CCDC149: variants seen among roughly 807,000 people sequenced by gnomAD.
CCDC149 encodes coiled-coil domain containing 149.
In CCDC149, 45 loss-of-function variants were observed where a neutral mutation model predicts 59.9. The observed-to-expected ratio is 0.75, with a 90% CI of 0.59 to 0.96. CCDC149 has a LOEUF of 0.96. Ranked by LOEUF, CCDC149 falls within the 40% of genes least tolerant of loss-of-function variation. The pLI is 0.00. For synonymous variants in CCDC149, 245 were observed against 260.6 expected (o/e 0.94, Z 0.58); for missense variants, 584 against 664.7 (o/e 0.88, Z 1.33).
At chr4:24,959,639 T>C (rs1275851869) in intron 1 of CCDC149, among the ~76,000 whole-genome samples, 3 of 151,788 alleles carry the variant, frequency 2.0e-5, no homozygotes, top group Non-Finnish European at 2.9e-5. Flanking sequence ...AAAGAGAAAA[T>C]CCTAAAAGCA....
chr4:24,831,437 A>C (rs1204565947), intron 9 of CCDC149, 69 bp downstream of exon 9: 1 of 1,542,358 alleles, frequency 6.5e-7, no homozygotes, highest in East Asian at 2.3e-5. Flanking sequence ...GCTGGTTGAC[A>C]TTCACTTCTG....
intron 3 of CCDC149, among the ~76,000 whole-genome samples, chr4:24,865,526 C>A (rs1718642989): frequency 6.6e-6 from 1 of 152,154 alleles, no homozygotes; most frequent in Non-Finnish European, 1.5e-5. Context: ...TTCTTAGTTA[C>A]AAAAAGAACA....
intron 9 of CCDC149, among the ~76,000 whole-genome samples, chr4:24,826,595 C>T (rs887901099): frequency 3.3e-5 from 5 of 152,106 alleles, no homozygotes; most frequent in South Asian, 2.1e-4. Flanking sequence ...CAGAAGGAAC[C>T]GTGGAAGAGG....
chr4:24,951,895 G>A (rs145773560), intron 1 of CCDC149, among the ~76,000 whole-genome samples: 13 of 152,260 alleles, frequency 8.5e-5, no homozygotes, highest in East Asian at 7.7e-4. Context: ...CTGAAACTCC[G>A]CAGAGGTAAG....
chr4:24,945,725 G>A (rs972277590), intron 1 of CCDC149, among the ~76,000 whole-genome samples: 5 of 151,574 alleles, frequency 3.3e-5, no homozygotes, highest in Admixed American at 1.3e-4. Context: ...AGGTTCAAGC[G>A]ATTCTCCTGC....
chr4:24,830,312 C>T (rs1716057975), intron 9 of CCDC149: 1 of 152,198 alleles, frequency 6.6e-6, no homozygotes, highest in Non-Finnish European at 1.5e-5. Context: ...ATTCCTTCTT[C>T]CTCCCCTGAG....
intron 12 of CCDC149, among the ~76,000 whole-genome samples, chr4:24,814,636 T>C (rs901838712): frequency 3.9e-5 from 6 of 152,316 alleles, no homozygotes; most frequent in Admixed American, 3.3e-4. Flanking sequence ...GTGATGTGGG[T>C]GCACACTTCA....
intron 3 of CCDC149, among the ~76,000 whole-genome samples, chr4:24,858,637 C>T (rs1211808100): frequency 6.6e-6 from 1 of 152,188 alleles, no homozygotes; most frequent in Non-Finnish European, 1.5e-5. Context: ...TTCTGAAACA[C>T]CTTCCTTTGT....
At chr4:24,884,561 A>G (rs1720043590) in intron 1 of CCDC149, among the ~76,000 whole-genome samples, 4 of 152,228 alleles carry the variant, frequency 2.6e-5, no homozygotes, top group Admixed American at 1.3e-4. Context: ...ACACTTTAAA[A>G]GAGACACAAA....
chr4:24,820,973 A>T, intron 11 of CCDC149, 82 bp downstream of exon 11: 1 of 747,820 alleles, frequency 1.3e-6, no homozygotes. Context: ...TAGATAATGC[A>T]TTTCTACTTA....
chr4:24,962,253 G>A (rs4535326), intron 1 of CCDC149, among the ~76,000 whole-genome samples: 114,179 of 151,376 alleles, frequency 0.75, 43,281 homozygotes, highest in African/African-American at 0.79. Flanking sequence ...AATCAAAACC[G>A]CAATGAGATA....
chr4:24,850,061 A>T (rs931337144), intron 4 of CCDC149, among the ~76,000 whole-genome samples: 4 of 152,084 alleles, frequency 2.6e-5, no homozygotes, highest in Non-Finnish European at 5.9e-5. Context: ...CAAATTTCTA[A>T]ACTACTTCTT....
intron 1 of CCDC149, among the ~76,000 whole-genome samples, chr4:24,942,481 T>C (rs1035827291): frequency 6.6e-6 from 1 of 152,184 alleles, no homozygotes; most frequent in African/African-American, 2.4e-5. Context: ...CTTTGAAAAC[T>C]GGCACAAGAC....
At chr4:24,856,163 TCC>T (rs759241736) in intron 3 of CCDC149, among the ~76,000 whole-genome samples, 1 of 148,368 alleles carries the variant, frequency 6.7e-6, no homozygotes, top group African/African-American at 2.5e-5. Context: ...CGAAGGCCTC[TCC>T]TTGGACACAG....
intron 3 of CCDC149, among the ~76,000 whole-genome samples, chr4:24,871,622 C>G (rs1475362720): frequency 6.6e-6 from 1 of 152,190 alleles, no homozygotes; most frequent in Non-Finnish European, 1.5e-5. Context: ...CATTCTCTCT[C>G]TCTCTCTCTC....
chr4:24,820,026 G>A (rs1715281788), intron 11 of CCDC149, 51 bp from the exon 12 acceptor site: 1 of 1,346,502 alleles, frequency 7.4e-7, no homozygotes, highest in South Asian at 1.3e-5. Flanking sequence ...GTGGAGTTGG[G>A]TTGCATTTAG....
intron 1 of CCDC149, among the ~76,000 whole-genome samples, chr4:24,891,210 AG>A (rs148134681): frequency 0.028 from 4,301 of 152,350 alleles, 112 homozygotes; most frequent in East Asian, 0.11. Flanking sequence ...CCCAGCAAAA[AG>A]TCAGGCGGAG....
chr4:24,930,648 CA>C lies in CCDC149; in HGVS notation c.-64-35531del, dbSNP rs555127274. Among the ~76,000 whole-genome samples the C allele has an allele frequency of 1.9e-3, 286 of 152,240 alleles. 2 individuals are homozygous for C. The highest frequency in any genetic ancestry group is 6.6e-3 in the African/African-American group (275 of 41,530). ...GAAATGTTCTCACTCAGCCACTCCC[CA>C]ACTCCCTGCCCCCTCAATGAGGGGA... On this transcript the variant is annotated intron_variant, in intron 1 of 12. Transcript: ENST00000389609.
chr4:24,876,747 C>T (rs1719464709), intron 1 of CCDC149, 50 bp from the exon 2 acceptor site: 1 of 1,535,482 alleles, frequency 6.5e-7, no homozygotes, highest in Middle Eastern at 1.9e-4. Flanking sequence ...CCATGGGCCT[C>T]CATTAAACAC....
Sources: gnomAD v4.1 joint callset for allele counts (sites outside exome capture counted in the v4.1 genomes callset) on GRCh38, gnomAD v4.1.1 for gene constraint, MANE v1.5 for transcripts, NCBI Gene and HGNC (gene_info 2026-07-23, HGNC 2026-07-21) for gene names.